The following GBF1 variants were observed in gnomAD, a reference collection of about 807,000 sequenced individuals.
GBF1 encodes the protein Golgi-specific brefeldin A-resistance guanine nucleotide exchange factor 1.
Under a neutral mutation model 210.5 loss-of-function variants are expected in GBF1, and 114 were observed. The observed-to-expected ratio is 0.54, with a 90% CI of 0.47 to 0.63. The LOEUF is 0.63. Ranked by LOEUF, GBF1 falls within the 30% of genes least tolerant of loss-of-function variation. GBF1 has a pLI of 0.00. For synonymous variants in GBF1, 850 were observed against 889.2 expected (o/e 0.96, Z 0.78); for missense variants, 1,851 against 2,357.7 (o/e 0.79, Z 4.45).
intron 3 of GBF1, among the ~76,000 whole-genome samples, 190 bp from the exon 4 acceptor site, chr10:102,343,861 T>G (rs2058358964): frequency 1.3e-5 from 2 of 152,078 alleles, no homozygotes; most frequent in Admixed American, 6.6e-5. Flanking sequence ...CCTAATCTTT[T>G]AGATCTACAT....
intron 3 of GBF1, among the ~76,000 whole-genome samples, chr10:102,314,714 A>G (rs2078782425): frequency 6.6e-6 from 1 of 152,210 alleles, no homozygotes; most frequent in Non-Finnish European, 1.5e-5. Flanking sequence ...ATCCTTGCCC[A>G]AGTTAGCAGA....
At chr10:102,298,258 T>C (rs1447941364) in intron 3 of GBF1, among the ~76,000 whole-genome samples, 1 of 152,134 alleles carries the variant, frequency 6.6e-6, no homozygotes, top group Non-Finnish European at 1.5e-5. Context: ...AAAAATGTAT[T>C]CTAGATGTCG....
chr10:102,241,636 T>C (rs1227013825), upstream of GBF1, among the ~76,000 whole-genome samples: 2 of 152,214 alleles, frequency 1.3e-5, no homozygotes, highest in African/African-American at 4.8e-5. The surrounding 1 kb of genome is among the most constrained non-coding windows in gnomAD (Gnocchi z 6.7). Context: ...CCTTTCCAGC[T>C]GTGGATCTCC....
At chr10:102,319,587 CTCT>C (rs892773145) in intron 3 of GBF1, among the ~76,000 whole-genome samples, 2 of 152,118 alleles carry the variant, frequency 1.3e-5, no homozygotes, top group African/African-American at 4.8e-5. Context: ...GCCTCCCATC[CTCT>C]TCTTCTATTC....
intron 3 of GBF1, among the ~76,000 whole-genome samples, chr10:102,281,929 TC>T (rs1219886770): frequency 6.6e-6 from 1 of 151,100 alleles, no homozygotes; most frequent in Non-Finnish European, 1.5e-5. Flanking sequence ...TTCTTTCTTT[TC>T]TTTTTTTTTT....
chr10:102,305,909 G>A (rs866428627), intron 3 of GBF1, among the ~76,000 whole-genome samples: 3 of 152,164 alleles, frequency 2.0e-5, no homozygotes, highest in Admixed American at 6.5e-5. Context: ...AGGGTAAAAG[G>A]AGAGCATCCC....
At position 102,359,413 on chromosome 10, in the gene GBF1, TAC is replaced by T. The variant is rs767798362; in HGVS notation, c.1162_1163del (p.Gln388ValfsTer35). Reference protein sequence around the residue: ...DYVNPRGVRFTQSSQKEGTAL... With the variant: ...DYVNPRGVRFXQSSQKEGTAL... ...ACGTCAATCCCCGGGGCGTGCGCTT[TAC>T]ACAGTCCTCCCAGAAAGAAGGTGGG... On this transcript the variant is annotated frameshift_variant, in exon 11 of 40. Coordinates refer to ENST00000369983, the MANE Select transcript of GBF1 (RefSeq NM_001377137.1). LOFTEE classifies it high-confidence loss of function. 3.7e-6 allele frequency: 6 copies of T among 1,613,650 alleles called. No homozygotes were observed. The highest frequency in any genetic ancestry group is 5.1e-6 in the Non-Finnish European group (6 of 1,179,674).
intron 3 of GBF1, among the ~76,000 whole-genome samples, chr10:102,265,830 G>C (rs1314889895): frequency 6.6e-6 from 1 of 152,162 alleles, no homozygotes; most frequent in Non-Finnish European, 1.5e-5. Flanking sequence ...GTCTATGTGC[G>C]TGTGAGGGTG....
rs866408872 is a variant in GBF1, at chr10:102,366,679, C to G, written c.2433+173C>G. On this transcript the variant is annotated intron_variant, in intron 19 of 39. Coordinates refer to ENST00000369983, the MANE Select transcript of GBF1 (RefSeq NM_001377137.1). The surrounding 1 kb of genome is among the most constrained non-coding windows in gnomAD (Gnocchi z 4.0). Reference sequence around the variant, plus strand: ...TCAGCACACTGCAACCTCCACCCCCCGGGTTCAAGCAATTCTCCTGCCTTA... The same window carrying G: ...TCAGCACACTGCAACCTCCACCCCCGGGGTTCAAGCAATTCTCCTGCCTTA... Among the ~76,000 whole-genome samples, 52 of 151,882 alleles carry G rather than the reference C, an allele frequency of 3.4e-4. No individual in the cohort carries two copies. Among genetic ancestry groups the G allele is most frequent in the African/African-American group, 1.1e-3 (45 of 41,390 alleles).
chr10:102,320,408 G>A (rs1432759645), intron 3 of GBF1, among the ~76,000 whole-genome samples: 3 of 152,090 alleles, frequency 2.0e-5, no homozygotes, highest in Non-Finnish European at 4.4e-5. Flanking sequence ...CTTAGTAAGG[G>A]TCTTTTTGAT....
chr10:102,299,464 C>G (rs1439906079), intron 3 of GBF1, among the ~76,000 whole-genome samples: 2 of 152,124 alleles, frequency 1.3e-5, no homozygotes, highest in Admixed American at 6.5e-5. Context: ...AATCCATTTA[C>G]TATACATTAA....
the GBF1 span, chr10:102,231,569 G>T: frequency 2.7e-5 from 41 of 1,527,288 alleles, no homozygotes; most frequent in Non-Finnish European, 3.5e-5. Context: ...GGTGCGAGTC[G>T]CGGGTCTGGA....
At chr10:102,300,976 C>CT (rs11413620) in intron 3 of GBF1, among the ~76,000 whole-genome samples, 113,478 of 136,240 alleles carry the variant, frequency 0.83, 47,139 homozygotes, top group African/African-American at 0.88. Context: ...ATTTTCTTTT[C>CT]TTTTTTTTTT....
At chr10:102,334,542 A>G (rs1470079436) in intron 3 of GBF1, among the ~76,000 whole-genome samples, 3 of 152,146 alleles carry the variant, frequency 2.0e-5, no homozygotes, top group Non-Finnish European at 4.4e-5. Context: ...CTCTGACATG[A>G]GAAGAGAAAA....
chr10:102,241,929 G>T (rs1485677697), upstream of GBF1, among the ~76,000 whole-genome samples: 4 of 152,198 alleles, frequency 2.6e-5, no homozygotes, highest in Non-Finnish European at 4.4e-5. This position sits in a 1 kb window ranked among gnomAD's most constrained non-coding sequence, Gnocchi z 6.7. Context: ...GGGTCTCAGC[G>T]CTCAGACTTC....
intron 3 of GBF1, among the ~76,000 whole-genome samples, chr10:102,311,032 C>A (rs1476818034): frequency 1.3e-5 from 2 of 152,198 alleles, no homozygotes; most frequent in Non-Finnish European, 2.9e-5. Context: ...CTGCCACTTA[C>A]AGAAGTCCCC....
chr10:102,337,941 G>T (rs2057883155), intron 3 of GBF1, among the ~76,000 whole-genome samples: 1 of 152,174 alleles, frequency 6.6e-6, no homozygotes, highest in African/African-American at 2.4e-5. Flanking sequence ...ACTTGTTGCA[G>T]AGTTGCTCCT....
At chr10:102,260,180 A>G in intron 3 of GBF1, 64 bp downstream of exon 3, 1 of 910,908 alleles carries the variant, frequency 1.1e-6, no homozygotes, top group East Asian at 2.4e-5. Flanking sequence ...ATTTATTGAA[A>G]GGATAGACAA....
At chr10:102,355,130 T>G (rs1420268524) in intron 8 of GBF1, among the ~76,000 whole-genome samples, 1 of 152,020 alleles carries the variant, frequency 6.6e-6, no homozygotes, top group African/African-American at 2.4e-5. Context: ...TATACCTGCC[T>G]TAGGAAGAAA....
Sources: gnomAD v4.1 joint callset for allele counts (sites outside exome capture counted in the v4.1 genomes callset) on GRCh38, gnomAD v4.1.1 for gene constraint, Gnocchi (gnomAD v3.1) non-coding constraint, MANE v1.5 for transcripts, NCBI Gene and HGNC (gene_info 2026-07-23, HGNC 2026-07-21) for gene names.